The following MRTFA variants were observed in gnomAD, a reference collection of about 807,000 sequenced individuals.
The protein encoded by MRTFA is myocardin-related transcription factor A.
Under a neutral mutation model 83.5 loss-of-function variants are expected in MRTFA, and 20 were observed. That is an observed-to-expected ratio of 0.24 (90% CI 0.17 to 0.35). The LOEUF (loss-of-function observed/expected upper bound fraction) is 0.35, where lower values mean the gene tolerates loss of function less well. Among genes scored for constraint, MRTFA ranks in the 10% least tolerant of loss-of-function variants. The probability of loss-of-function intolerance (pLI) is 1.00; values close to 1 mark genes in which losing one functional copy is unlikely to be tolerated. For synonymous variants in MRTFA, 659 were observed against 541.2 expected, an observed-to-expected ratio of 1.22 and a Z score of -3.02; for missense variants, 1,200 against 1,224.7, an observed-to-expected ratio of 0.98 and a Z score of 0.30.
intron 3 of MRTFA, among the ~76,000 whole-genome samples, chr22:40,513,602 C>CAAAAAAAAA (rs111580647): frequency 1.7e-4 from 11 of 65,864 alleles, no homozygotes; most frequent in South Asian, 9.5e-4. Flanking sequence ...GACTCCATCT[C>CAAAAAAAAA]AAAAAAAAAA....
At position 40,471,396 on chromosome 22, in the gene MRTFA, C is replaced by T. The variant is rs569254445; in HGVS notation, c.242-8110G>A. Among the ~76,000 whole-genome samples the T allele has an allele frequency of 3.5e-3, 526 of 151,414 alleles. 5 individuals are homozygous for T. Among genetic ancestry groups the T allele is most frequent in the Non-Finnish European group, 6.3e-3 (428 of 67,826 alleles). The stretch of plus-strand genomic sequence containing the variant: ...CCAGCCTGAGCAACAGAGCAAGACT[C>T]CATCTCAAAAAAAGAAAAAGAAAAA... On this transcript the variant is annotated intron_variant, in intron 3 of 14. Coordinates refer to ENST00000355630, the MANE Select transcript of MRTFA (RefSeq NM_020831.6).
intron 2 of MRTFA, among the ~76,000 whole-genome samples, chr22:40,579,277 A>G (rs1203170431): frequency 1.3e-5 from 2 of 152,234 alleles, no homozygotes; most frequent in Non-Finnish European, 2.9e-5. Context: ...AATAATTGTC[A>G]TAATCTATCC....
chr22:40,546,494 T>A lies in MRTFA; in HGVS notation c.241+5612A>T, dbSNP rs1357310241. ...TGTCAAATGATGCAAAGAGGTCAAGTAGCATAAAGACTAAAGAGGGCTTAT... is the reference window on the plus strand; with the variant it reads ...TGTCAAATGATGCAAAGAGGTCAAGAAGCATAAAGACTAAAGAGGGCTTAT... On this transcript the variant is annotated intron_variant, in intron 3 of 14. Transcript: ENST00000355630. Among the ~76,000 whole-genome samples the A allele has an allele frequency of 1.3e-5, 2 of 152,202 alleles. 1 individual carries two copies.
intron 1 of MRTFA, among the ~76,000 whole-genome samples, chr22:40,615,115 T>A (rs1340348818): frequency 6.6e-6 from 1 of 152,228 alleles, no homozygotes; most frequent in African/African-American, 2.4e-5. Context: ...ATAAGTTTTA[T>A]GCTTTTAGTT....
intron 1 of MRTFA, among the ~76,000 whole-genome samples, chr22:40,610,150 G>A (rs968210414): frequency 2.0e-5 from 3 of 148,982 alleles, no homozygotes; most frequent in South Asian, 2.1e-4. Flanking sequence ...GGGTTCAGAC[G>A]ATTCTCCTGC....
At chr22:40,482,975 C>T (rs771435677) in intron 3 of MRTFA, among the ~76,000 whole-genome samples, 5 of 151,952 alleles carry the variant, frequency 3.3e-5, no homozygotes, top group Non-Finnish European at 5.9e-5. Flanking sequence ...GTTGTGTGTG[C>T]CTGTAGTGTA....
intron 3 of MRTFA, among the ~76,000 whole-genome samples, chr22:40,532,243 G>A (rs1569315056): frequency 6.6e-6 from 1 of 152,162 alleles, no homozygotes; most frequent in African/African-American, 2.4e-5. Flanking sequence ...CCTTTATAAA[G>A]AAAAGTTACT....
intron 9 of MRTFA, among the ~76,000 whole-genome samples, chr22:40,421,444 T>A (rs188951267): frequency 2.9e-4 from 44 of 152,218 alleles, no homozygotes; most frequent in African/African-American, 1.0e-3. Context: ...CCAGGCACCT[T>A]CCAAAGACGG....
chr22:40,535,356 T>C (rs995710297), intron 3 of MRTFA, among the ~76,000 whole-genome samples: 2 of 136,640 alleles, frequency 1.5e-5, no homozygotes, highest in African/African-American at 2.8e-5. Context: ...TTCTTTTTTT[T>C]TTTTTTTTTC....
At chr22:40,585,751 G>C (rs2079714044) in intron 2 of MRTFA, among the ~76,000 whole-genome samples, 1 of 152,212 alleles carries the variant, frequency 6.6e-6, no homozygotes, top group African/African-American at 2.4e-5. Flanking sequence ...CTAGGAGAGA[G>C]ATGAAGGTGG....
intron 3 of MRTFA, among the ~76,000 whole-genome samples, chr22:40,514,469 C>T (rs2054722615): frequency 6.6e-6 from 1 of 150,472 alleles, no homozygotes; most frequent in Non-Finnish European, 1.5e-5. Flanking sequence ...AAATGTCCCT[C>T]CTACATTTTT....
chr22:40,591,356 C>A (rs532316255), intron 2 of MRTFA, among the ~76,000 whole-genome samples: 8 of 150,472 alleles, frequency 5.3e-5, no homozygotes, highest in Non-Finnish European at 1.2e-4. Context: ...TTCAAGGTTA[C>A]ACTTTTTAAA....
chr22:40,468,756 C>T (rs996326606), intron 3 of MRTFA, among the ~76,000 whole-genome samples: 1 of 152,158 alleles, frequency 6.6e-6, no homozygotes, highest in African/African-American at 2.4e-5. Flanking sequence ...CTTGAGGAGA[C>T]CAAAATGCAG....
At chr22:40,600,098 C>T (rs1398440075) in intron 1 of MRTFA, among the ~76,000 whole-genome samples, 1 of 151,548 alleles carries the variant, frequency 6.6e-6, no homozygotes, top group East Asian at 1.9e-4. Context: ...TTTAAGCAGT[C>T]CACCTCAACA....
intron 3 of MRTFA, among the ~76,000 whole-genome samples, chr22:40,545,869 G>T (rs1197406410): frequency 1.3e-5 from 2 of 151,374 alleles, no homozygotes; most frequent in Non-Finnish European, 2.9e-5. Context: ...AAGTAGCTGG[G>T]ATTACAGGCA....
intron 2 of MRTFA, among the ~76,000 whole-genome samples, chr22:40,558,187 G>A (rs1034805738): frequency 6.8e-6 from 1 of 146,122 alleles, no homozygotes; most frequent in Admixed American, 6.8e-5. Flanking sequence ...CTGGACTCAA[G>A]TGATCCTCCC....
intron 3 of MRTFA, among the ~76,000 whole-genome samples, chr22:40,486,347 G>T (rs1248385996): frequency 1.3e-5 from 2 of 152,202 alleles, no homozygotes; most frequent in South Asian, 4.1e-4. Flanking sequence ...AGAGTGTTTT[G>T]TAACTATGAG....
At chr22:40,494,886 A>T (rs1432987217) in intron 3 of MRTFA, among the ~76,000 whole-genome samples, 1 of 152,032 alleles carries the variant, frequency 6.6e-6, no homozygotes, top group Non-Finnish European at 1.5e-5. Flanking sequence ...AGGGAAGGAG[A>T]CTCTACAAAG....
rs2147079743 is a variant in MRTFA, at chr22:40,423,666, A to G, written c.797T>C (p.Met266Thr). The change falls in exon 9 of 15, where the codon ATG becomes ACG. Residue 266 changes from methionine to threonine, a missense_variant. Physicochemically the swap from Met to Thr is moderately conservative, Grantham distance 81 (BLOSUM62 -1). Transcript: ENST00000355630. ...AAGCATTTCTCTGGAATCCCGGCCC[A>G]TCGGAAGTTGAGACACAACCTGAGA... 3 of 1,573,164 alleles carry G rather than the reference A, an allele frequency of 1.9e-6. No homozygotes were observed. Among genetic ancestry groups the G allele is most frequent in the Non-Finnish European group, 2.6e-6 (3 of 1,158,688 alleles).
Sources: allele counts gnomAD v4.1 joint callset (sites outside exome capture counted in the v4.1 genomes callset), GRCh38; gene constraint gnomAD v4.1.1; transcripts MANE v1.5; gene names NCBI Gene and HGNC (gene_info 2026-07-23, HGNC 2026-07-21).